RENBP: variants seen among roughly 807,000 people sequenced by gnomAD.
The protein encoded by RENBP is renin binding protein.
A neutral mutation model predicts 37.8 loss-of-function variants in RENBP; 16 were observed. That is an observed-to-expected ratio of 0.42 (90% CI 0.29 to 0.64). The LOEUF (loss-of-function observed/expected upper bound fraction) is 0.64. Among genes scored for constraint, RENBP ranks in the 30% least tolerant of loss-of-function variants. The pLI is 0.19. For missense variants in RENBP, 347 were observed against 379.5 expected (o/e 0.91, Z 0.71); for synonymous variants, 170 against 154.8 (o/e 1.10, Z -0.73).
intron 6 of RENBP, 96 bp from the exon 7 acceptor site, chrX:153,942,127 C>T: frequency 1.5e-6 from 1 of 677,533 alleles, no homozygotes. Flanking sequence ...CCCTTCCTCC[C>T]TCCCTCTTAC....
intron 9 of RENBP, among the ~76,000 whole-genome samples, chrX:153,936,505 CAA>C (rs782037368): frequency 1.4e-4 from 5 of 35,708 alleles, no homozygotes; most frequent in African/African-American, 3.4e-4. Flanking sequence ...GACTCCGTCT[CAA>C]AAAAAAAAAA....
intron 7 of RENBP, 104 bp from the exon 8 acceptor site, chrX:153,941,757 A>G: frequency 1.3e-6 from 1 of 775,617 alleles, no homozygotes. Flanking sequence ...CCTCCCTAAC[A>G]ATGAGCGAGG....
At position 153,944,152 on chromosome X, in the gene RENBP, G is replaced by A. The variant is rs782643666; in HGVS notation, c.141C>T (p.Gly47=). ...MEHSHDQEHG[G]FFTCLGREGR... ...CCTCGCGGCCAAGGCACGTGAAGAA[G>A]CCCCTGTGGGAAGGCAGGGTTAGCA... Residue 47 remains glycine, a synonymous_variant, in exon 3 of 11, where the codon GGC becomes GGT. Transcript: ENST00000393700. 14 of 1,208,703 alleles carry A rather than the reference G, an allele frequency of 1.2e-5. No individual in the cohort carries two copies. The East Asian group carries it at 4.1e-4, about 36-fold the overall frequency.
chrX:153,941,785 C>G, intron 7 of RENBP, 132 bp from the exon 8 acceptor site: 1 of 737,285 alleles, frequency 1.4e-6, no homozygotes, highest in Non-Finnish European at 2.0e-6. Context: ...CTCCCTGGCC[C>G]TGGAAGCCTG....
At position 153,943,721 on chromosome X, in the gene RENBP, G is replaced by A; in HGVS notation, c.290-3C>T. On this transcript the variant is annotated splice_region_variant and splice_polypyrimidine_tract_variant and intron_variant, in intron 4 of 10. Coordinates refer to ENST00000393700, the MANE Select transcript of RENBP (RefSeq NM_002910.6). ...ATACCGCAGCAAGAACTCACCACCT[G>A]GAGGTTGGGGGGTTGGCATGCCAGG... is the stretch of plus-strand genomic sequence containing the variant. The A allele has an allele frequency of 1.7e-5, 21 of 1,207,262 alleles. No individual in the cohort carries two copies. The highest frequency in any genetic ancestry group is 2.4e-5 in the Non-Finnish European group (21 of 892,870).
rs1557110302 is a variant in RENBP at position 153,944,606 on chromosome X, C to A, written c.5G>T (p.Ser2Ile). ...GGCCTGTCGCGCTGGGAGACCCTTG[C>A]TCATCCCTCCTGCTCCTCTAGGAAG... M[S>I]KGLPARQDME... Residue 2 changes from serine (S) to isoleucine (I), a missense_variant, in exon 1 of 11, where the codon AGC (serine) becomes ATC (isoleucine). This residue lies in a region of RENBP where 244 missense variants were observed against 279.4 expected (regional missense o/e 0.87). Transcript: ENST00000393700. 6.9e-6 allele frequency: 8 copies of A among 1,167,291 alleles called. No homozygotes were observed. Among genetic ancestry groups the A allele is most frequent in the Non-Finnish European group, 9.2e-6 (8 of 872,600 alleles).
At chrX:153,940,050 T>TC in intron 9 of RENBP, 52 bp downstream of exon 9, 1 of 1,191,634 alleles carries the variant, frequency 8.4e-7, no homozygotes. Flanking sequence ...CGGGCCAGAC[T>TC]CCCCCCATTC....
At chrX:153,944,043 G>T (rs2065239056) in intron 3 of RENBP, 37 bp downstream of exon 3, 2 of 1,203,762 alleles carry the variant, frequency 1.7e-6, no homozygotes, top group Admixed American at 4.4e-5. Flanking sequence ...GAGGCGATGG[G>T]CCGTGTGCCT....
chrX:153,944,544 C>T (rs782308716), intron 1 of RENBP, 40 bp downstream of exon 1: 32 of 1,169,684 alleles, frequency 2.7e-5, no homozygotes, highest in Non-Finnish European at 3.4e-5. Context: ...TCCCCGGGAC[C>T]CTCCAAGACA....
rs782659553 is a variant in RENBP, at chrX:153,943,683, G to T, written c.325C>A (p.Pro109Thr). Reference protein sequence around the residue: ...EFLLRYARVAPPGKKCAFVLT... With the variant: ...EFLLRYARVATPGKKCAFVLT... ...ACAAAGGCACACTTCTTGCCAGGAG[G>T]TGCCACCCGGGCATACCGCAGCAAG... The change falls in exon 5 of 11, where the codon CCT (proline) becomes ACT (threonine). Residue 109 changes from proline (P) to threonine (T), a missense_variant. Transcript: ENST00000393700. 2 of 1,211,255 alleles carry T rather than the reference G, an allele frequency of 1.7e-6. No homozygotes were observed. The highest frequency in any genetic ancestry group is 2.2e-6 in the Non-Finnish European group (2 of 895,360).
Position 153,941,547 on chromosome X carries a change from G to A in RENBP, c.876C>T (p.His292=). The change falls in exon 8 of 11, where the codon CAC becomes CAT. Residue 292 remains histidine, a synonymous_variant. Transcript: ENST00000393700. Reference sequence around the variant, plus strand: ...CTCCGTGGTCAGGGTCCCATCCGGAGTGGAAGGGCAACAATAGGAACTTGT... The same window carrying A: ...CTCCGTGGTCAGGGTCCCATCCGGAATGGAAGGGCAACAATAGGAACTTGT... ...VIDKFLLLPF[H]SGWDPDHGGL... is the part of the protein sequence containing the mutation. 1 of 1,210,474 alleles carries A rather than the reference G, an allele frequency of 8.3e-7. No individual in the cohort carries two copies. The highest frequency in any genetic ancestry group is 1.1e-6 in the Non-Finnish European group (1 of 894,609).
chrX:153,943,766 G>A lies in RENBP; in HGVS notation c.290-48C>T, dbSNP rs187983859. The A allele has an allele frequency of 3.2e-4, 379 of 1,184,634 alleles. 1 individual carries two copies. In the East Asian group the frequency reaches 8.6e-3, roughly 27 times the overall value. Reference sequence around the variant, plus strand: ...GCCAGGGGTAAGGCCAGGACGCCCCGCACACACCACCCTTGAGCCTCCCCA... The same window carrying A: ...GCCAGGGGTAAGGCCAGGACGCCCCACACACACCACCCTTGAGCCTCCCCA... On this transcript the variant is annotated intron_variant, in intron 4 of 10. Coordinates refer to ENST00000393700, the MANE Select transcript of RENBP (RefSeq NM_002910.6).
At chrX:153,943,400 G>C (rs1323460280) in intron 5 of RENBP, 146 bp downstream of exon 5, 2 of 604,201 alleles carry the variant, frequency 3.3e-6, no homozygotes, top group East Asian at 3.6e-5. Flanking sequence ...GCGCCCCTGT[G>C]GGGGTAGGGG....
At chrX:153,938,903 C>T (rs2065215097) in intron 9 of RENBP, among the ~76,000 whole-genome samples, 1 of 103,005 alleles carries the variant, frequency 9.7e-6, no homozygotes, top group African/African-American at 3.6e-5. Context: ...AAGCGATTCT[C>T]CTGCCTCTGC....
intron 6 of RENBP, 133 bp from the exon 7 acceptor site, chrX:153,942,164 G>T: frequency 2.1e-6 from 1 of 487,151 alleles, no homozygotes; most frequent in South Asian, 3.3e-5. Flanking sequence ...GCTGGCTTGG[G>T]TGGGCCAGGC....
At chrX:153,935,903 G>A in intron 9 of RENBP, 1 of 261,959 alleles carries the variant, frequency 3.8e-6, no homozygotes, top group African/African-American at 2.8e-5. Flanking sequence ...GCCGAGGCGG[G>A]CGGATCACCT....
In RENBP at chrX:153,938,801, T is replaced by TTG. The variant is rs1569546413; in HGVS notation, c.1077+1300_1077+1301insCA. On this transcript the variant is annotated intron_variant, in intron 9 of 10. Coordinates refer to ENST00000393700, the MANE Select transcript of RENBP (RefSeq NM_002910.6). ...TGTACTGTTTTTTTTTTTTTGTTTTTTTTTTTTTTGAGACCAAGTCTTGCT... is the reference window on the plus strand; with the variant it reads ...TGTACTGTTTTTTTTTTTTTGTTTTTTGTTTTTTTTTGAGACCAAGTCTTGCT... Among the ~76,000 whole-genome samples the TTG allele has an allele frequency of 4.6e-3, 458 of 98,747 alleles. 4 individuals are homozygous for TTG. Among genetic ancestry groups the TTG allele is most frequent in the African/African-American group, 0.017 (436 of 25,678 alleles). 85.7% of individuals were successfully genotyped at this position (98,747 alleles called of 115,157 possible). A position where few individuals can be genotyped will look rare whatever the true frequency, so the allele number is the denominator to read the frequency against.
Position 153,935,323 on chromosome X carries a change from G to T in RENBP, c.1247C>A (p.Ser416Tyr). The change falls in exon 11 of 11, where the codon TCC (serine) becomes TAC (tyrosine). Residue 416 changes from serine (S) to tyrosine (Y), a missense_variant. By Grantham distance (144) the Ser-to-Tyr change is moderately radical (BLOSUM62 -2). Coordinates refer to ENST00000393700, the MANE Select transcript of RENBP (RefSeq NM_002910.6). Reference sequence around the variant, plus strand: ...TCGGCAGGCGGGGGTGGGGGCGGGGGAGGGGGCGGGGGCGGGGCGGCTCAG... The same window carrying T: ...TCGGCAGGCGGGGGTGGGGGCGGGGTAGGGGGCGGGGGCGGGGCGGCTCAG... Reference protein sequence around the residue: ...ALLSRPAPAPSPAPTPACRGA... With the variant: ...ALLSRPAPAPYPAPTPACRGA... 1.1e-6 allele frequency: 1 copy of T among 936,173 alleles called. No individual in the cohort carries two copies. Among genetic ancestry groups the T allele is most frequent in the Non-Finnish European group, 1.4e-6 (1 of 713,727 alleles). 77.2% of individuals were successfully genotyped at this position (936,173 alleles called of 1,213,427 possible).
intron 9 of RENBP, among the ~76,000 whole-genome samples, chrX:153,936,470 C>T (rs184602865): frequency 1.5e-4 from 15 of 97,600 alleles, no homozygotes; most frequent in Non-Finnish European, 2.8e-4. Flanking sequence ...CGCGCCACTG[C>T]ACTCCAGCCT....
Sources: gnomAD v4.1 joint callset for allele counts (sites outside exome capture counted in the v4.1 genomes callset) on GRCh38, gnomAD v4.1.1 for gene constraint, gnomAD v4.1.1 regional missense constraint, MANE v1.5 for transcripts, NCBI Gene and HGNC (gene_info 2026-07-23, HGNC 2026-07-21) for gene names.